TBKBP1: variants seen among roughly 807,000 people sequenced by gnomAD.
TBKBP1 encodes the protein TANK-binding kinase 1-binding protein 1.
A neutral mutation model predicts 69.9 loss-of-function variants in TBKBP1; 47 were observed. The ratio of observed to expected loss-of-function variants is 0.67; its 90% CI spans 0.53 to 0.86. The LOEUF is 0.86. Ranked by LOEUF, TBKBP1 falls within the 40% of genes least tolerant of loss-of-function variation. TBKBP1 has a pLI of 0.00. For missense variants in TBKBP1, 831 were observed against 858.6 expected, an observed-to-expected ratio of 0.97 and a Z score of 0.40; for synonymous variants, 418 against 390.3, an observed-to-expected ratio of 1.07 and a Z score of -0.84.
At chr17:47,698,466 TCA>T in intron 4 of TBKBP1, 127 bp from the exon 5 acceptor site, 1 of 1,034,918 alleles carries the variant, frequency 9.7e-7, no homozygotes, top group Non-Finnish European at 1.3e-6. Flanking sequence ...GACTTTGCAC[TCA>T]CAGCCACTTG....
chr17:47,706,863 A>ACACG (rs1052248750), intron 7 of TBKBP1, among the ~76,000 whole-genome samples: 1 of 151,248 alleles, frequency 6.6e-6, no homozygotes, highest in Non-Finnish European at 1.5e-5. Context: ...ACACACACAC[A>ACACG]CACACACGCA....
In TBKBP1 at chr17:47,708,912, G is replaced by A. The variant is rs2031801279; in HGVS notation, c.1179G>A (p.Ser393=). The A allele has an allele frequency of 1.5e-6, 2 of 1,362,728 alleles. No homozygotes were observed. The highest frequency in any genetic ancestry group is 1.9e-6 in the Non-Finnish European group (2 of 1,057,362). The allele number at this position is 1,362,728 out of a possible 1,614,324, so 84.4% of individuals were successfully genotyped here. A position where few individuals can be genotyped will look rare whatever the true frequency, so the allele number is the denominator to read the frequency against. Residue 393 remains serine (S), a synonymous_variant, in exon 9 of 10, where the codon TCG becomes TCA. Coordinates refer to ENST00000578982, the MANE Select transcript of TBKBP1 (RefSeq NM_001394755.1). The surrounding 1 kb of genome is among the most constrained non-coding windows in gnomAD (Gnocchi z 4.4). ...RRSPASPSCP[S]PVPQRRSPVP... ...CTCCGGCCTCACCCTCCTGCCCGTC[G>A]CCCGTCCCGCAGCGCCGCTCGCCGG... is the stretch of plus-strand genomic sequence containing the variant.
rs746924757 is a variant in TBKBP1 at position 47,708,519 on chromosome 17, T to C, written c.991+7T>C. On this transcript the variant is annotated splice_region_variant and intron_variant, in intron 8 of 9. Transcript: ENST00000578982. This position sits in a 1 kb window ranked among gnomAD's most constrained non-coding sequence, Gnocchi z 4.4. ...GAACAGGCCCGGAGTGGCGGTGAGA[T>C]GGGGCAGGGCAGGGGGAGGCAGCCG... 8.1e-6 allele frequency: 13 copies of C among 1,613,184 alleles called. No homozygotes were observed. Among genetic ancestry groups the C allele is most frequent in the Non-Finnish European group, 1.1e-5 (13 of 1,179,620 alleles).
intron 1 of TBKBP1, chr17:47,695,866 C>CT: frequency 2.3e-6 from 1 of 443,914 alleles, no homozygotes; most frequent in Non-Finnish European, 4.0e-6. Context: ...GCAGCGGGGT[C>CT]TTCACCTGGT....
chr17:47,700,784 G>A (rs1304721069), intron 7 of TBKBP1, among the ~76,000 whole-genome samples: 1 of 152,140 alleles, frequency 6.6e-6, no homozygotes. Context: ...GCAGCAGAGA[G>A]CGGCAAGGGA....
At chr17:47,696,927 C>T in intron 3 of TBKBP1, 94 bp downstream of exon 3, 1 of 1,554,880 alleles carries the variant, frequency 6.4e-7, no homozygotes, top group Non-Finnish European at 8.7e-7. Flanking sequence ...CTGGCCTCTG[C>T]CCTTTGATTA....
rs1426297922 is a variant in TBKBP1 at position 47,699,487 on chromosome 17, C to G, written c.802C>G (p.Arg268Gly). Residue 268 changes from arginine to glycine, a missense_variant, in exon 6 of 10, where the codon CGG (arginine) becomes GGG (glycine). By Grantham distance (125) the Arg-to-Gly change is moderately radical. Coordinates refer to ENST00000578982, the MANE Select transcript of TBKBP1 (RefSeq NM_001394755.1). ...GGAGCTGAAGCAGCTGCAGGAGACC[C>G]GGGCCCAGGTAAATGCAGGGGCCTG... Reference protein sequence around the residue: ...QGELKQLQETRAQDLASNQSE... With the variant: ...QGELKQLQETGAQDLASNQSE... The G allele has an allele frequency of 1.3e-6, 2 of 1,581,146 alleles. No homozygotes were observed. Among genetic ancestry groups the G allele is most frequent in the Non-Finnish European group, 1.7e-6 (2 of 1,162,598 alleles).
At chr17:47,703,071 G>A (rs2031570853) in intron 7 of TBKBP1, among the ~76,000 whole-genome samples, 1 of 152,054 alleles carries the variant, frequency 6.6e-6, no homozygotes, top group South Asian at 2.1e-4. Context: ...AGGGAGGGTG[G>A]GCTCATCTGT....
rs750962501 is a variant in TBKBP1 at position 47,708,555 on chromosome 17, G to A, written c.991+43G>A. ...AGGGGGAGGCAGCCGCGGGACCCGG[G>A]AAGGAGCGGGTAGCCATGGCAACCA... On this transcript the variant is annotated intron_variant, in intron 8 of 9. Transcript: ENST00000578982. This position sits in a 1 kb window ranked among gnomAD's most constrained non-coding sequence, Gnocchi z 4.4. 1 of 1,599,906 alleles carries A rather than the reference G, an allele frequency of 6.3e-7. No homozygotes were observed. The highest frequency in any genetic ancestry group is 8.6e-7 in the Non-Finnish European group (1 of 1,168,972).
Position 47,697,081 on chromosome 17 carries a change from T to G in TBKBP1, c.349-8T>G, listed in dbSNP as rs373424567. The G allele has an allele frequency of 4.1e-5, 66 of 1,607,188 alleles. No individual in the cohort carries two copies. The African/African-American group carries it at 8.3e-4, about 20-fold the overall frequency. On this transcript the variant is annotated splice_polypyrimidine_tract_variant and splice_region_variant and intron_variant, in intron 3 of 9. Coordinates refer to ENST00000578982, the MANE Select transcript of TBKBP1 (RefSeq NM_001394755.1). ...ACCCTGTGGTGGGGCCCTCTGGGCC[T>G]CATCCAGTTACAGAAGAACAAGGAG... is the stretch of plus-strand genomic sequence containing the variant.
At chr17:47,696,656 G>C in intron 2 of TBKBP1, 55 bp from the exon 3 acceptor site, 1 of 1,612,874 alleles carries the variant, frequency 6.2e-7, no homozygotes, top group Non-Finnish European at 8.5e-7. Flanking sequence ...GCCAGGCTGA[G>C]GCCTGGGCTG....
At position 47,697,148 on chromosome 17, in the gene TBKBP1, ACT is replaced by A. The variant is rs957924514; in HGVS notation, c.411_412del (p.Cys138ArgfsTer5). The A allele has an allele frequency of 3.1e-6, 5 of 1,613,182 alleles. No homozygotes were observed. The highest frequency in any genetic ancestry group is 4.2e-6 in the Non-Finnish European group (5 of 1,179,576). On this transcript the variant is annotated frameshift_variant, in exon 4 of 10. Transcript: ENST00000578982. LOFTEE classifies it high-confidence loss of function. ...LGEMIQAYEKLCVEKSDLETE... is the reference protein window; with the variant it reads ...LGEMIQAYEKXCVEKSDLETE... ...GAGAGATGATCCAGGCCTACGAGAAACTCTGCGTGGAGAAGAGTGACTTGGAG... is the reference window on the plus strand; with the variant it reads ...GAGAGATGATCCAGGCCTACGAGAAACTGCGTGGAGAAGAGTGACTTGGAG...
Position 47,708,955 on chromosome 17 carries a change from TCCCCCAG to T in TBKBP1, c.1226_1232del (p.Pro409ArgfsTer42). 8.3e-7 allele frequency: 1 copy of T among 1,210,974 alleles called. No individual in the cohort carries two copies. Among genetic ancestry groups the T allele is most frequent in the Non-Finnish European group, 1.0e-6 (1 of 968,342 alleles). 75.0% of individuals were successfully genotyped at this position (1,210,974 alleles called of 1,614,324 possible). A position where few individuals can be genotyped will look rare whatever the true frequency, so the allele number is the denominator to read the frequency against. Reference sequence around the variant, plus strand: ...CTCGCCGGTGCCGCCGTCGTGCCAGTCCCCCAGCCCGCAGCGCCGTTCCCCGGTGCCC... The same window carrying T: ...CTCGCCGGTGCCGCCGTCGTGCCAGTCCCGCAGCGCCGTTCCCCGGTGCCC... On this transcript the variant is annotated frameshift_variant, in exon 9 of 10. Transcript: ENST00000578982. LOFTEE classifies it high-confidence loss of function. The surrounding 1 kb of genome is among the most constrained non-coding windows in gnomAD (Gnocchi z 4.4).
chr17:47,696,274 G>T lies in TBKBP1; in HGVS notation c.162G>T (p.Arg54=). Residue 54 remains arginine (R), a synonymous_variant, in exon 2 of 10, where the codon CGG becomes CGT. Transcript: ENST00000578982. ...CTGCTTACGGAGACATCAAGGAACG[G>T]CTGGGGGGCCTGGAGAGGGAGAACG... ...LITAYGDIKE[R]LGGLERENAT... is the part of the protein sequence containing the mutation. 6.2e-7 allele frequency: 1 copy of T among 1,613,656 alleles called. No individual in the cohort carries two copies. The highest frequency in any genetic ancestry group is 1.1e-5 in the South Asian group (1 of 91,080).
intron 7 of TBKBP1, among the ~76,000 whole-genome samples, chr17:47,705,926 A>G (rs2143331955): frequency 6.6e-6 from 1 of 152,188 alleles, no homozygotes; most frequent in East Asian, 1.9e-4. Flanking sequence ...CAGAGCTGGG[A>G]GAGGGGCTGG....
chr17:47,699,108 G>C (rs1397681261), intron 5 of TBKBP1, among the ~76,000 whole-genome samples: 6 of 152,132 alleles, frequency 3.9e-5, no homozygotes, highest in Non-Finnish European at 1.5e-5. Flanking sequence ...AAGCCTTCAA[G>C]AGCCCATCTT....
In TBKBP1 at chr17:47,710,976, G is replaced by C. The variant is rs929711679; in HGVS notation, c.*350G>C. On this transcript the variant is annotated 3_prime_UTR_variant, in exon 10 of 10. Coordinates refer to ENST00000578982, the MANE Select transcript of TBKBP1 (RefSeq NM_001394755.1). ...GGTGTCCAGTGCTTGGGCCTGGGGT[G>C]GGGGGAAGGTGTTAGAGGACTCCAG... 4 of 188,120 alleles carry C rather than the reference G, an allele frequency of 2.1e-5. No homozygotes were observed. Among genetic ancestry groups the C allele is most frequent in the Admixed American group, 5.9e-5 (1 of 17,050 alleles). The allele number at this position is 188,120 out of a possible 1,614,324, so 11.7% of individuals were successfully genotyped here. A position where few individuals can be genotyped will look rare whatever the true frequency, so the allele number is the denominator to read the frequency against.
chr17:47,702,628 C>A (rs1168449800), intron 7 of TBKBP1, among the ~76,000 whole-genome samples: 1 of 152,126 alleles, frequency 6.6e-6, no homozygotes, highest in Non-Finnish European at 1.5e-5. Flanking sequence ...CGAAAACAGA[C>A]ACCCAGACCA....
chr17:47,710,434 G>T (rs1319027301), intron 9 of TBKBP1, 64 bp from the exon 10 acceptor site: 3 of 1,569,968 alleles, frequency 1.9e-6, no homozygotes, highest in Non-Finnish European at 1.7e-6. Flanking sequence ...GACAGGGCAG[G>T]CTGGGATGTG....
Sources: gnomAD v4.1 joint callset for allele counts (sites outside exome capture counted in the v4.1 genomes callset) on GRCh38, gnomAD v4.1.1 for gene constraint, Gnocchi (gnomAD v3.1) non-coding constraint, MANE v1.5 for transcripts, NCBI Gene and HGNC (gene_info 2026-07-23, HGNC 2026-07-21) for gene names.